Variants in ZNF460 observed in about 807,000 individuals in gnomAD.
ZNF460 encodes zinc finger protein 460.
In ZNF460, 1 loss-of-function variant was observed where a neutral mutation model predicts 8.4. That is an observed-to-expected ratio of 0.12 (90% CI 0.04 to 0.56). The LOEUF is 0.56. Among genes scored for constraint, ZNF460 ranks in the 20% least tolerant of loss-of-function variants. The pLI is 0.91. For synonymous variants in ZNF460, 262 were observed against 259.9 expected (o/e 1.01, Z -0.08); for missense variants, 477 against 714.8 (o/e 0.67, Z 3.79).
In ZNF460 at chr19:57,284,695, C is replaced by A; in HGVS notation, c.157+18C>A. 1.3e-6 allele frequency: 2 copies of A among 1,565,912 alleles called. No homozygotes were observed. Among genetic ancestry groups the A allele is most frequent in the Non-Finnish European group, 1.7e-6 (2 of 1,158,148 alleles). On this transcript the variant is annotated intron_variant, in intron 2 of 2. Transcript: ENST00000360338. Reference sequence around the variant, plus strand: ...CGCACTGGGTAAGGCCTGTCCTCTCCTCTCCAAAATCAGGGGCACCAGAAA... The same window carrying A: ...CGCACTGGGTAAGGCCTGTCCTCTCATCTCCAAAATCAGGGGCACCAGAAA...
chr19:57,290,466 T>C (rs559347451), intron 2 of ZNF460, among the ~76,000 whole-genome samples: 5 of 152,050 alleles, frequency 3.3e-5, no homozygotes, highest in African/African-American at 9.6e-5. Context: ...TTAGTAGATA[T>C]GGGGTTTCAC....
Position 57,292,175 on chromosome 19 carries a change from A to C in ZNF460, c.1634A>C (p.His545Pro). Residue 545 changes from histidine to proline, a missense_variant, in exon 3 of 3, where the codon CAT becomes CCT. His to Pro is a moderately conservative substitution (Grantham distance 77). Around this residue, in one of 5 missense-constraint regions of ZNF460, gnomAD observed 83 missense variants for 82.3 expected, o/e 1.01. Coordinates refer to ENST00000360338, the MANE Select transcript of ZNF460 (RefSeq NM_006635.4). ...ATGGAAACGCCTTCAATTGCCGCTC[A>C]TTCCTCCTCACTCGACATCAACGGA... is the stretch of plus-strand genomic sequence containing the variant. Reference protein sequence around the residue: ...VNMETPSIAAHSSSLDINGFI... With the variant: ...VNMETPSIAAPSSSLDINGFI... The C allele has an allele frequency of 6.2e-7, 1 of 1,614,198 alleles. No homozygotes were observed. The highest frequency in any genetic ancestry group is 8.5e-7 in the Non-Finnish European group (1 of 1,180,016).
At chr19:57,288,924 G>A (rs185327719) in intron 2 of ZNF460, among the ~76,000 whole-genome samples, 67 of 147,918 alleles carry the variant, frequency 4.5e-4, no homozygotes, top group Admixed American at 3.8e-3. Flanking sequence ...AGATGGATCT[G>A]GCTATGTTGC....
chr19:57,285,037 A>G (rs1169242301), intron 2 of ZNF460, among the ~76,000 whole-genome samples: 1 of 151,880 alleles, frequency 6.6e-6, no homozygotes, highest in Non-Finnish European at 1.5e-5. Context: ...GCTGTTCTCA[A>G]ACTCCCGACC....
chr19:57,289,962 G>A (rs1172900025), intron 2 of ZNF460, among the ~76,000 whole-genome samples: 1 of 151,858 alleles, frequency 6.6e-6, no homozygotes, highest in Non-Finnish European at 1.5e-5. Flanking sequence ...CCAACATGGT[G>A]AGACCTCATC....
chr19:57,289,097 A>G (rs942979193), intron 2 of ZNF460, among the ~76,000 whole-genome samples: 45 of 152,172 alleles, frequency 3.0e-4, no homozygotes, highest in Admixed American at 1.4e-3. Flanking sequence ...TTATATTATC[A>G]ATTTCTTCAT....
chr19:57,285,440 T>C (rs1002226675), intron 2 of ZNF460, among the ~76,000 whole-genome samples: 3 of 152,228 alleles, frequency 2.0e-5, no homozygotes, highest in African/African-American at 7.2e-5. Flanking sequence ...TTGGCACTAC[T>C]ACTTCCTGCA....
At chr19:57,280,419 C>T (rs1159541194), upstream of ZNF460, 2 of 260,442 alleles carry the variant, frequency 7.7e-6, no homozygotes, top group Non-Finnish European at 1.5e-5. Flanking sequence ...TTCTGCGGGC[C>T]AGGGCGGCGG....
chr19:57,288,089 C>G (rs893218782), intron 2 of ZNF460, among the ~76,000 whole-genome samples: 4 of 152,144 alleles, frequency 2.6e-5, no homozygotes, highest in African/African-American at 9.7e-5. Context: ...TGTAAGGTCA[C>G]TCCTTTCATT....
chr19:57,291,310 T>C lies in ZNF460; in HGVS notation c.769T>C (p.Cys257Arg). The C allele has an allele frequency of 6.2e-7, 1 of 1,613,856 alleles. No individual in the cohort carries two copies. The highest frequency in any genetic ancestry group is 8.5e-7 in the Non-Finnish European group (1 of 1,179,968). The change falls in exon 3 of 3, where the codon TGT (cysteine) becomes CGT (arginine). Residue 257 changes from cysteine to arginine, a missense_variant. Cys to Arg is a radical substitution (Grantham distance 180). This residue lies in a region of ZNF460 where 193 missense variants were observed against 391.7 expected (regional missense o/e 0.49). Transcript: ENST00000360338. The surrounding 1 kb of genome is among the most constrained non-coding windows in gnomAD (Gnocchi z 8.4). Reference protein sequence around the residue: ...NGDKPFVCSECGRTFNRGSHL... With the variant: ...NGDKPFVCSERGRTFNRGSHL... ...AGATAAGCCCTTTGTGTGCAGTGAA[T>C]GTGGAAGGACCTTCAATCGCGGGTC...
rs1341995401 is a variant in ZNF460, at chr19:57,292,511, CTGTGCACTTAGGAAA to C, written c.*282_*296del. 2 of 337,342 alleles carry C rather than the reference CTGTGCACTTAGGAAA, an allele frequency of 5.9e-6. No individual in the cohort carries two copies. The highest frequency in any genetic ancestry group is 4.2e-5 in the African/African-American group (2 of 47,962). The allele number at this position is 337,342 out of a possible 1,614,324, so 20.9% of individuals were successfully genotyped here. The stretch of plus-strand genomic sequence containing the variant: ...ACCCATGAAAGAGACCCAGTGGTTA[CTGTGCACTTAGGAAA>C]ACCTTCAGCCACATCTTTCTTATTA... On this transcript the variant is annotated 3_prime_UTR_variant, in exon 3 of 3. Coordinates refer to ENST00000360338, the MANE Select transcript of ZNF460 (RefSeq NM_006635.4).
chr19:57,282,764 TGGACTGCTTGAGCCCAGGAG>T (rs2087848791), intron 1 of ZNF460, among the ~76,000 whole-genome samples: 1 of 151,822 alleles, frequency 6.6e-6, no homozygotes, highest in Non-Finnish European at 1.5e-5. Context: ...CTGAGGTAGG[TGGACTGCTTGAGCCCAGGAG>T]TTCAAGACCA....
In ZNF460 at chr19:57,291,257, T is replaced by TCACACGGCAC. The variant is rs2087915559; in HGVS notation, c.719_728dup (p.Gln243HisfsTer11). On this transcript the variant is annotated frameshift_variant, in exon 3 of 3. Transcript: ENST00000360338. LOFTEE classifies it low-confidence loss of function (END_TRUNC). The surrounding 1 kb of genome is among the most constrained non-coding windows in gnomAD (Gnocchi z 8.4). ...AAAGACTTCAACCGCAGGTCACACC[T>TCACACGGCAC]CACACGGCACCAGCGGACTCACAAT... 6.2e-7 allele frequency: 1 copy of TCACACGGCAC among 1,613,788 alleles called. No homozygotes were observed.
intron 1 of ZNF460, among the ~76,000 whole-genome samples, chr19:57,283,502 C>CT (rs926242067): frequency 0.06 from 4,117 of 68,414 alleles, 395 homozygotes; most frequent in East Asian, 0.1. Context: ...TTTGACTATT[C>CT]TTTTTTTTTT....
chr19:57,282,165 A>G (rs1158719525), intron 1 of ZNF460, among the ~76,000 whole-genome samples: 3 of 152,086 alleles, frequency 2.0e-5, no homozygotes, highest in African/African-American at 7.2e-5. Flanking sequence ...TTGTTTAAGG[A>G]GTTCTCAGGG....
chr19:57,291,466 G>C lies in ZNF460; in HGVS notation c.925G>C (p.Ala309Pro). ...GAGCCACAATGAGAAGAAACCCTTCGCATGCAGCGAATGTGGAAAAGGCTT... is the reference window on the plus strand; with the variant it reads ...GAGCCACAATGAGAAGAAACCCTTCCCATGCAGCGAATGTGGAAAAGGCTT... ...NKSHNEKKPFACSECGKGFYE... is the reference protein window; with the variant it reads ...NKSHNEKKPFPCSECGKGFYE... Residue 309 changes from alanine (A) to proline (P), a missense_variant, in exon 3 of 3, where the codon GCA becomes CCA. This residue lies in a region of ZNF460 where 193 missense variants were observed against 391.7 expected (regional missense o/e 0.49). Coordinates refer to ENST00000360338, the MANE Select transcript of ZNF460 (RefSeq NM_006635.4). This position sits in a 1 kb window ranked among gnomAD's most constrained non-coding sequence, Gnocchi z 8.4. 1 of 1,613,924 alleles carries C rather than the reference G, an allele frequency of 6.2e-7. No homozygotes were observed. The highest frequency in any genetic ancestry group is 8.5e-7 in the Non-Finnish European group (1 of 1,179,936).
chr19:57,291,162 G>A lies in ZNF460; in HGVS notation c.621G>A (p.Lys207=), dbSNP rs766617348. ...CAGAATGTGGGAAAGCCTTCGGCAA[G>A]AGCAAACACCTCCTTCAGCATCACA... ...DCPECGKAFG[K]SKHLLQHHII... Residue 207 remains lysine, a synonymous_variant, in exon 3 of 3, where the codon AAG becomes AAA. Coordinates refer to ENST00000360338, the MANE Select transcript of ZNF460 (RefSeq NM_006635.4). This position sits in a 1 kb window ranked among gnomAD's most constrained non-coding sequence, Gnocchi z 8.4. 2 of 1,614,022 alleles carry A rather than the reference G, an allele frequency of 1.2e-6. No homozygotes were observed. Among genetic ancestry groups the A allele is most frequent in the South Asian group, 1.1e-5 (1 of 91,060 alleles).
chr19:57,280,833 G>A lies in ZNF460; in HGVS notation c.27G>A (p.Ala9=). The change falls in exon 1 of 3, where the codon GCG becomes GCA. Residue 9 remains alanine, a synonymous_variant. Coordinates refer to ENST00000360338, the MANE Select transcript of ZNF460 (RefSeq NM_006635.4). ...TGGCGGCGGCGTGGATGGCTCCGGCGCAGGTGAGTGGACGAGGTTTCGGCC... is the reference window on the plus strand; with the variant it reads ...TGGCGGCGGCGTGGATGGCTCCGGCACAGGTGAGTGGACGAGGTTTCGGCC... MAAAWMAP[A]QESVTFEDVA... is the part of the protein sequence containing the mutation. 1 of 1,614,150 alleles carries A rather than the reference G, an allele frequency of 6.2e-7. No homozygotes were observed. The highest frequency in any genetic ancestry group is 8.5e-7 in the Non-Finnish European group (1 of 1,180,020).
chr19:57,280,960 C>A (rs1237594078), intron 1 of ZNF460, 124 bp downstream of exon 1: 2 of 1,389,632 alleles, frequency 1.4e-6, no homozygotes, highest in Non-Finnish European at 2.0e-6. Flanking sequence ...AGAGAAATGG[C>A]CGTGGCTTGT....
Sources: gnomAD v4.1 joint callset for allele counts (sites outside exome capture counted in the v4.1 genomes callset) on GRCh38, gnomAD v4.1.1 for gene constraint, gnomAD v4.1.1 regional missense constraint, Gnocchi (gnomAD v3.1) non-coding constraint, MANE v1.5 for transcripts, NCBI Gene and HGNC (gene_info 2026-07-23, HGNC 2026-07-21) for gene names.